Variants in PCSK5 observed in about 807,000 individuals in gnomAD.
PCSK5 encodes proprotein convertase subtilisin/kexin type 5.
Under a neutral mutation model 233.2 loss-of-function variants are expected in PCSK5, and 129 were observed. The observed-to-expected ratio is 0.55, with a 90% CI of 0.48 to 0.64. The LOEUF is 0.64. PCSK5 is among the 30% of genes least tolerant of loss of function. PCSK5 has a pLI of 0.00. For missense variants in PCSK5, 2,076 were observed against 2,430.1 expected (o/e 0.85, Z 3.06); for synonymous variants, 825 against 879.2 (o/e 0.94, Z 1.09).
chr9:76,034,444 A>G (rs1828770184), intron 5 of PCSK5, among the ~76,000 whole-genome samples: 1 of 152,162 alleles, frequency 6.6e-6, no homozygotes, highest in Non-Finnish European at 1.5e-5. Context: ...TAAAAATACA[A>G]GACTCTTCAG....
chr9:76,073,173 A>T (rs978995164), intron 7 of PCSK5, among the ~76,000 whole-genome samples: 1 of 152,246 alleles, frequency 6.6e-6, no homozygotes, highest in African/African-American at 2.4e-5. Context: ...AGTGGAATGC[A>T]TTGTTGATTA....
rs1184864463 is a variant in PCSK5 at position 76,323,075 on chromosome 9, C to T, written c.4126C>T (p.His1376Tyr). ...CKECTPEFFL[H>Y]DDMCHQSCPR... is the part of the protein sequence containing the mutation. Reference sequence around the variant, plus strand: ...AGAGTGCACGCCTGAGTTCTTCCTGCACGATGATATGTGCCACCAGTCCTG... The same window carrying T: ...AGAGTGCACGCCTGAGTTCTTCCTGTACGATGATATGTGCCACCAGTCCTG... Residue 1376 changes from histidine (H) to tyrosine (Y), a missense_variant, in exon 32 of 38, where the codon CAC becomes TAC. Around this residue, in one of 6 missense-constraint regions of PCSK5, gnomAD observed 1,510 missense variants for 1,538.1 expected, o/e 0.98. Transcript: ENST00000674117. The T allele has an allele frequency of 3.1e-6, 5 of 1,605,088 alleles. No homozygotes were observed. Among genetic ancestry groups the T allele is most frequent in the Non-Finnish European group, 3.4e-6 (4 of 1,175,358 alleles).
At chr9:76,215,503 GT>G (rs1825490106) in intron 20 of PCSK5, among the ~76,000 whole-genome samples, 3 of 152,198 alleles carry the variant, frequency 2.0e-5, no homozygotes, top group African/African-American at 7.2e-5. Flanking sequence ...TGTTTCACTG[GT>G]TGCTTGTTCC....
intron 13 of PCSK5, among the ~76,000 whole-genome samples, chr9:76,174,772 T>A (rs568388113): frequency 3.1e-4 from 47 of 152,218 alleles, no homozygotes; most frequent in Admixed American, 7.2e-4. Context: ...TCTCTGGTAG[T>A]ACATGCTCAG....
chr9:76,222,201 C>A (rs751783101), intron 20 of PCSK5, among the ~76,000 whole-genome samples: 1 of 152,170 alleles, frequency 6.6e-6, no homozygotes, highest in Non-Finnish European at 1.5e-5. Context: ...AACAGACTGG[C>A]TTCCCAAGAT....
intron 32 of PCSK5, among the ~76,000 whole-genome samples, chr9:76,326,627 A>T (rs1829365807): frequency 6.6e-6 from 1 of 152,170 alleles, no homozygotes; most frequent in Non-Finnish European, 1.5e-5. Flanking sequence ...TGATTTAGAT[A>T]AAATGAGAGG....
chr9:76,157,740 C>T (rs1822657492), intron 11 of PCSK5, among the ~76,000 whole-genome samples: 2 of 149,270 alleles, frequency 1.3e-5, no homozygotes, highest in African/African-American at 2.6e-5. Flanking sequence ...AAACTAGAGA[C>T]ATTGTCATTC....
At chr9:76,109,182 G>C (rs1832103173) in intron 9 of PCSK5, among the ~76,000 whole-genome samples, 2 of 152,108 alleles carry the variant, frequency 1.3e-5, no homozygotes, top group South Asian at 4.1e-4. Context: ...TTAAGTGTCT[G>C]TGTTTTTAAT....
chr9:76,021,618 A>G (rs62558817), intron 3 of PCSK5, among the ~76,000 whole-genome samples: 8,476 of 152,200 alleles, frequency 0.056, 281 homozygotes, highest in Non-Finnish European at 0.069. Context: ...TAGGAAATCA[A>G]TGTTGTCTGT....
chr9:76,301,886 A>T (rs1828618320), intron 27 of PCSK5, among the ~76,000 whole-genome samples: 1 of 152,136 alleles, frequency 6.6e-6, no homozygotes, highest in Admixed American at 6.6e-5. Context: ...ATGACAAGAG[A>T]AAATACCTAC....
intron 28 of PCSK5, among the ~76,000 whole-genome samples, chr9:76,308,183 T>C (rs2036055): frequency 0.8 from 122,193 of 152,128 alleles, 49,190 homozygotes; most frequent in East Asian, 0.91. Context: ...GGCTACAGAG[T>C]GAGACTCTGT....
At chr9:75,967,673 AC>A (rs1825647754) in intron 2 of PCSK5, among the ~76,000 whole-genome samples, 1 of 152,184 alleles carries the variant, frequency 6.6e-6, no homozygotes, top group South Asian at 2.1e-4. Flanking sequence ...ACATGAAGGG[AC>A]CAAGGGGATT....
chr9:76,227,621 G>A lies in PCSK5; in HGVS notation c.2729+16G>A. ...CCATGACAAGGTAAGTGGCTTCTCA[G>A]GATCTCCCGGTGGTGTGAGCTCATG... On this transcript the variant is annotated intron_variant, in intron 21 of 37. Transcript: ENST00000674117. 1 of 1,531,028 alleles carries A rather than the reference G, an allele frequency of 6.5e-7. No individual in the cohort carries two copies. The highest frequency in any genetic ancestry group is 9.0e-7 in the Non-Finnish European group (1 of 1,110,028). The allele number at this position is 1,531,028 out of a possible 1,614,324, so 94.8% of individuals were successfully genotyped here.
At chr9:75,997,212 A>T (rs1179428332) in intron 3 of PCSK5, among the ~76,000 whole-genome samples, 20 of 152,202 alleles carry the variant, frequency 1.3e-4, no homozygotes, top group Admixed American at 1.3e-3. Flanking sequence ...TTGCCTTCAG[A>T]TGTCCTGTGT....
intron 22 of PCSK5, among the ~76,000 whole-genome samples, chr9:76,233,800 C>T (rs1249223920): frequency 9.9e-6 from 1 of 100,954 alleles, no homozygotes; most frequent in Admixed American, 1.0e-4. Flanking sequence ...GGTGTAGACT[C>T]GGTGCCCTGG....
intron 24 of PCSK5, among the ~76,000 whole-genome samples, chr9:76,271,789 T>G (rs1420655289): frequency 6.6e-6 from 1 of 152,230 alleles, no homozygotes; most frequent in African/African-American, 2.4e-5. Flanking sequence ...CTGGAGGCTC[T>G]GAGGGCAAAT....
In PCSK5 at chr9:76,359,140, G is replaced by A. The variant is rs1433268696; in HGVS notation, c.*218G>A. 5.6e-6 allele frequency: 3 copies of A among 532,210 alleles called. No individual in the cohort carries two copies. Among genetic ancestry groups the A allele is most frequent in the Non-Finnish European group, 1.0e-5 (3 of 298,680 alleles). 33.0% of individuals were successfully genotyped at this position (532,210 alleles called of 1,614,324 possible). A position where few individuals can be genotyped will look rare whatever the true frequency, so the allele number is the denominator to read the frequency against. On this transcript the variant is annotated 3_prime_UTR_variant, in exon 38 of 38. Coordinates refer to ENST00000674117, the MANE Select transcript of PCSK5 (RefSeq NM_001372043.1). ...CAGTTCCTGTTCAACCGTAATTGAA[G>A]AGCAAGGATAAAATTCAGAGGCATT...
At chr9:76,091,133 C>T (rs966185892) in intron 7 of PCSK5, among the ~76,000 whole-genome samples, 2 of 152,152 alleles carry the variant, frequency 1.3e-5, no homozygotes, top group African/African-American at 2.4e-5. Flanking sequence ...TAACAAGCCA[C>T]GGATCAATTT....
intron 7 of PCSK5, among the ~76,000 whole-genome samples, chr9:76,087,622 A>T (rs1392509317): frequency 6.6e-6 from 1 of 152,214 alleles, no homozygotes; most frequent in African/African-American, 2.4e-5. Context: ...TTTGAAAGTG[A>T]GGTCGGCTGC....
Sources: allele counts gnomAD v4.1 joint callset (sites outside exome capture counted in the v4.1 genomes callset), GRCh38; gene constraint gnomAD v4.1.1; regional missense constraint gnomAD v4.1.1; transcripts MANE v1.5; gene names NCBI Gene and HGNC (gene_info 2026-07-23, HGNC 2026-07-21).